The following BICD2 variants were observed in gnomAD, a reference collection of about 807,000 sequenced individuals.
The protein encoded by BICD2 is BICD cargo adaptor 2, also known as protein bicaudal D homolog 2.
In BICD2, 25 loss-of-function variants were observed where a neutral mutation model predicts 72.9. That is an observed-to-expected ratio of 0.34 (90% CI 0.25 to 0.48). The LOEUF (loss-of-function observed/expected upper bound fraction) is 0.48, where lower values mean the gene tolerates loss of function less well. Among genes scored for constraint, BICD2 ranks in the 20% least tolerant of loss-of-function variants. The probability of loss-of-function intolerance (pLI) is 0.99; values close to 1 mark genes in which losing one functional copy is unlikely to be tolerated. For synonymous variants in BICD2, 501 were observed against 516.1 expected (o/e 0.97, Z 0.40); for missense variants, 894 against 1,175.2 (o/e 0.76, Z 3.50).
chr9:92,757,311 C>CAAAA (rs1854280007), intron 1 of BICD2, among the ~76,000 whole-genome samples: 2 of 70,952 alleles, frequency 2.8e-5, no homozygotes, highest in South Asian at 1.5e-3. Context: ...GAGACTGTCT[C>CAAAA]CAAAAAAAAA....
chr9:92,755,353 T>C (rs937014287), intron 1 of BICD2, among the ~76,000 whole-genome samples: 2 of 152,248 alleles, frequency 1.3e-5, no homozygotes, highest in African/African-American at 4.8e-5. Context: ...CCTGTGGTCC[T>C]GTGATCTTGC....
intron 1 of BICD2, among the ~76,000 whole-genome samples, chr9:92,744,245 A>G (rs189535297): frequency 1.3e-4 from 20 of 152,346 alleles, no homozygotes; most frequent in Admixed American, 1.0e-3. Context: ...ACAAGCAGCA[A>G]TGAGGACCAG....
Position 92,720,263 on chromosome 9 carries a change from T to C in BICD2, c.1062+37A>G. On this transcript the variant is annotated intron_variant, in intron 4 of 6. Transcript: ENST00000356884. This position sits in a 1 kb window ranked among gnomAD's most constrained non-coding sequence, Gnocchi z 5.4. ...CTCGGGGAGCCCTGCAGACCTGGAGTGGGGACAGCGTGCCGAAGGCCCCAC... is the reference window on the plus strand; with the variant it reads ...CTCGGGGAGCCCTGCAGACCTGGAGCGGGGACAGCGTGCCGAAGGCCCCAC... 1.9e-6 allele frequency: 3 copies of C among 1,569,458 alleles called. No homozygotes were observed. The highest frequency in any genetic ancestry group is 2.6e-6 in the Non-Finnish European group (3 of 1,157,040).
At chr9:92,731,817 C>G (rs575289242) in intron 1 of BICD2, among the ~76,000 whole-genome samples, 2 of 152,346 alleles carry the variant, frequency 1.3e-5, no homozygotes, top group South Asian at 4.1e-4. Context: ...AAGCAATCCC[C>G]ACCATTTATA....
intron 2 of BICD2, among the ~76,000 whole-genome samples, chr9:92,724,204 C>T (rs1457275674): frequency 6.6e-6 from 1 of 152,224 alleles, no homozygotes; most frequent in Admixed American, 6.5e-5. Flanking sequence ...CTTCGCCCAC[C>T]TCTCACACTG....
intron 2 of BICD2, among the ~76,000 whole-genome samples, chr9:92,723,913 G>A (rs1024678871): frequency 1.8e-4 from 27 of 152,120 alleles, no homozygotes; most frequent in Non-Finnish European, 2.5e-4. Flanking sequence ...GGTGGGAGCC[G>A]GCCTGTACAT....
chr9:92,745,176 C>T (rs1428130365), intron 1 of BICD2, among the ~76,000 whole-genome samples: 1 of 152,124 alleles, frequency 6.6e-6, no homozygotes, highest in Non-Finnish European at 1.5e-5. Flanking sequence ...TCAGATCACC[C>T]CACAAACAGA....
chr9:92,745,127 G>A (rs1473863192), intron 1 of BICD2, among the ~76,000 whole-genome samples: 1 of 152,140 alleles, frequency 6.6e-6, no homozygotes, highest in Non-Finnish European at 1.5e-5. Flanking sequence ...GGAAATGGTG[G>A]CAAGAAATGG....
In BICD2 at chr9:92,729,215, TTG is replaced by T; in HGVS notation, c.260_261del (p.Thr87LysfsTer8). On this transcript the variant is annotated frameshift_variant, in exon 2 of 7. Coordinates refer to ENST00000356884, the MANE Select transcript of BICD2 (RefSeq NM_001003800.2). LOFTEE classifies it high-confidence loss of function. ...CCGTCAGCAGCCACCTTCTTGTGGT[TTG>T]TGTGTGCTTGTCCAAAGGCCTGCAT... ...QLKEAFGQAH[T>X]NHKKVAADGE... is the part of the protein sequence containing the mutation. The T allele has an allele frequency of 6.2e-7, 1 of 1,614,170 alleles. No individual in the cohort carries two copies. The highest frequency in any genetic ancestry group is 8.5e-7 in the Non-Finnish European group (1 of 1,180,052).
chr9:92,719,527 A>T lies in BICD2; in HGVS notation c.1118T>A (p.Leu373Gln), dbSNP rs1853414383. ...TGACAGGGAGCCCCGCGTGTGCTCC[A>T]GCTGCTTCTGTGTGTCCTGCAGCGT... Reference protein sequence around the residue: ...LATLQDTQKQLEHTRGSLSEQ... With the variant: ...LATLQDTQKQQEHTRGSLSEQ... Residue 373 changes from leucine to glutamine, a missense_variant, in exon 5 of 7, where the codon CTG (leucine) becomes CAG (glutamine). Transcript: ENST00000356884. 1 of 1,613,104 alleles carries T rather than the reference A, an allele frequency of 6.2e-7. No individual in the cohort carries two copies. The highest frequency in any genetic ancestry group is 8.5e-7 in the Non-Finnish European group (1 of 1,179,952).
intron 2 of BICD2, among the ~76,000 whole-genome samples, chr9:92,724,547 A>C: frequency 6.6e-6 from 1 of 152,250 alleles, no homozygotes; most frequent in East Asian, 1.9e-4. Flanking sequence ...CAAAAGAAAC[A>C]GAGATACCAC....
intron 2 of BICD2, among the ~76,000 whole-genome samples, chr9:92,725,755 G>A (rs963847978): frequency 2.6e-5 from 4 of 152,202 alleles, no homozygotes; most frequent in Admixed American, 6.5e-5. Flanking sequence ...GCAGGGGGTC[G>A]GCTGCCCTCT....
chr9:92,744,315 C>G (rs1304864411), intron 1 of BICD2, among the ~76,000 whole-genome samples: 1 of 152,138 alleles, frequency 6.6e-6, no homozygotes. Flanking sequence ...TATAAGAAGT[C>G]AAAACCAGGC....
intron 3 of BICD2, 112 bp downstream of exon 3, chr9:92,722,544 G>A (rs1256067372): frequency 3.5e-6 from 5 of 1,425,340 alleles, no homozygotes; most frequent in Non-Finnish European, 4.8e-6. Context: ...TGGGCCTCGG[G>A]TGTGTGGAAT....
rs753005623 is a variant in BICD2 at position 92,720,485 on chromosome 9, T to G, written c.877A>C (p.Asn293His). 1.2e-6 allele frequency: 2 copies of G among 1,614,218 alleles called. No homozygotes were observed. Among genetic ancestry groups the G allele is most frequent in the South Asian group, 2.2e-5 (2 of 91,084 alleles). The change falls in exon 4 of 7, where the codon AAC (asparagine) becomes CAC (histidine). Residue 293 changes from asparagine (N) to histidine (H), a missense_variant. Physicochemically the swap from Asn to His is moderately conservative, Grantham distance 68. Around this residue, in one of 5 missense-constraint regions of BICD2, gnomAD observed 371 missense variants for 439.1 expected, o/e 0.84. Transcript: ENST00000356884. The surrounding 1 kb of genome is among the most constrained non-coding windows in gnomAD (Gnocchi z 5.4). ...TTGACCAGGGCCTCGGCATCGTTGT[T>G]GGGCTCGGCAGCATCGTCACTGAAC... ...LKFSDDAAEP[N>H]NDAEALVNGF...
At chr9:92,739,942 C>T (rs1329198818) in intron 1 of BICD2, among the ~76,000 whole-genome samples, 1 of 152,164 alleles carries the variant, frequency 6.6e-6, no homozygotes, top group African/African-American at 2.4e-5. Flanking sequence ...TGGCATCAAG[C>T]CTTATTACAG....
Position 92,718,587 on chromosome 9 carries a change from C to T in BICD2, c.2058G>A (p.Lys686=), listed in dbSNP as rs376312313. The T allele has an allele frequency of 5.6e-6, 9 of 1,613,478 alleles. No individual in the cohort carries two copies. The African/African-American group carries it at 1.2e-4, about 22-fold the overall frequency. The change falls in exon 5 of 7, where the codon AAG becomes AAA. Residue 686 remains lysine, a synonymous_variant. Coordinates refer to ENST00000356884, the MANE Select transcript of BICD2 (RefSeq NM_001003800.2). ...TGCGCAGCGTGGTGATCTGCTCCCG[C>T]TTGGTGCTGAGCAGCGACTTCAGCT... ...ILKLKSLLST[K]REQITTLRTV... is the part of the protein sequence containing the mutation.
At chr9:92,763,960 G>A (rs1854426457) in intron 1 of BICD2, among the ~76,000 whole-genome samples, 1 of 152,180 alleles carries the variant, frequency 6.6e-6, no homozygotes, top group South Asian at 2.1e-4. Flanking sequence ...CGCTGTCCAC[G>A]ACCTTTCCCC....
At chr9:92,761,203 C>T (rs889718559) in intron 1 of BICD2, among the ~76,000 whole-genome samples, 2 of 152,096 alleles carry the variant, frequency 1.3e-5, no homozygotes, top group African/African-American at 4.8e-5. Context: ...TGAGACAATG[C>T]TTAGGGCAGC....
Sources: gnomAD v4.1 joint callset for allele counts (sites outside exome capture counted in the v4.1 genomes callset) on GRCh38, gnomAD v4.1.1 for gene constraint, gnomAD v4.1.1 regional missense constraint, Gnocchi (gnomAD v3.1) non-coding constraint, MANE v1.5 for transcripts, NCBI Gene and HGNC (gene_info 2026-07-23, HGNC 2026-07-21) for gene names.